The following PTPN1 variants were observed in gnomAD, a reference collection of about 807,000 sequenced individuals.
PTPN1 encodes the protein protein tyrosine phosphatase non-receptor type 1.
PTPN1 carries 12 observed loss-of-function variants against 59.9 expected under a neutral mutation model. The ratio of observed to expected loss-of-function variants is 0.20; its 90% CI spans 0.13 to 0.32. PTPN1 has a LOEUF of 0.32. PTPN1 is among the 10% of genes least tolerant of loss of function. The probability of loss-of-function intolerance (pLI) is 1.00; values close to 1 mark genes in which losing one functional copy is unlikely to be tolerated. For synonymous variants in PTPN1, 178 were observed against 203.6 expected, an observed-to-expected ratio of 0.87 and a Z score of 1.07; for missense variants, 356 against 549.2, an observed-to-expected ratio of 0.65 and a Z score of 3.52.
intron 3 of PTPN1, among the ~76,000 whole-genome samples, chr20:50,567,734 A>G (rs555421128): frequency 3.9e-5 from 6 of 152,096 alleles, no homozygotes; most frequent in African/African-American, 1.4e-4. Context: ...TACATCTCCT[A>G]AGTTTGTTGG....
chr20:50,571,706 T>C (rs1243998772), intron 4 of PTPN1: 1 of 152,242 alleles, frequency 6.6e-6, no homozygotes, highest in African/African-American at 2.4e-5. Context: ...TGTGTTAGAC[T>C]GGGGTCATCC....
chr20:50,517,796 T>G (rs1439114430), intron 1 of PTPN1, among the ~76,000 whole-genome samples: 1 of 152,256 alleles, frequency 6.6e-6, no homozygotes, highest in Non-Finnish European at 1.5e-5. Flanking sequence ...TGGGAAATTC[T>G]AAATCCTTCT....
intron 1 of PTPN1, among the ~76,000 whole-genome samples, chr20:50,553,798 A>G (rs2082713904): frequency 6.6e-6 from 1 of 152,178 alleles, no homozygotes; most frequent in Non-Finnish European, 1.5e-5. Context: ...ATGGAAGAAA[A>G]ACAACCGAAT....
intron 2 of PTPN1, among the ~76,000 whole-genome samples, chr20:50,562,410 G>T (rs1296036266): frequency 6.6e-6 from 1 of 152,204 alleles, no homozygotes; most frequent in African/African-American, 2.4e-5. Context: ...CCTAGACTTG[G>T]TGTAGAACGT....
chr20:50,544,162 A>AT (rs924852206), intron 1 of PTPN1, among the ~76,000 whole-genome samples: 2 of 151,628 alleles, frequency 1.3e-5, no homozygotes, highest in African/African-American at 4.9e-5. Context: ...TTCAGTATTA[A>AT]TTTTTTTTAA....
chr20:50,541,123 C>G (rs1006973506), intron 1 of PTPN1, among the ~76,000 whole-genome samples: 5 of 152,160 alleles, frequency 3.3e-5, no homozygotes, highest in South Asian at 2.1e-4. Flanking sequence ...AAATGTTTCT[C>G]TCAACACCCA....
intron 1 of PTPN1, among the ~76,000 whole-genome samples, chr20:50,538,311 G>A (rs1374373782): frequency 6.6e-6 from 1 of 152,102 alleles, no homozygotes; most frequent in African/African-American, 2.4e-5. Flanking sequence ...AGAGAAGCTG[G>A]TTGTCAGGTT....
At chr20:50,564,005 T>A (rs1409602046) in intron 2 of PTPN1, among the ~76,000 whole-genome samples, 2 of 152,130 alleles carry the variant, frequency 1.3e-5, no homozygotes, top group African/African-American at 4.8e-5. Flanking sequence ...CTTTCAAGTG[T>A]CTTTGTGATA....
chr20:50,547,421 TGGTATGATCTC>T (rs2082680448), intron 1 of PTPN1, among the ~76,000 whole-genome samples: 1 of 151,974 alleles, frequency 6.6e-6, no homozygotes, highest in Non-Finnish European at 1.5e-5. Flanking sequence ...TAGAGTGCAA[TGGTATGATCTC>T]GGCTCACTGC....
intron 1 of PTPN1, among the ~76,000 whole-genome samples, chr20:50,537,956 C>T (rs1158201879): frequency 2.6e-5 from 4 of 152,018 alleles, no homozygotes; most frequent in African/African-American, 9.7e-5. Context: ...GGGAAAGTTC[C>T]AGCAACAGAG....
chr20:50,578,152 T>C, intron 5 of PTPN1: 1 of 420,472 alleles, frequency 2.4e-6, no homozygotes. Flanking sequence ...ACAGTGGAAG[T>C]GATAGGGAGA....
Position 50,568,538 on chromosome 20 carries a change from AT to A in PTPN1, c.354+64del. The stretch of plus-strand genomic sequence containing the variant: ...ATGCATACCACTCCATATAGTTACC[AT>A]TTTCGTCCAGATTTTTAAATTATTT... On this transcript the variant is annotated intron_variant, in intron 4 of 9. Coordinates refer to ENST00000371621, the MANE Select transcript of PTPN1 (RefSeq NM_002827.4). The surrounding 1 kb of genome is among the most constrained non-coding windows in gnomAD (Gnocchi z 5.6). The A allele has an allele frequency of 1.5e-6, 2 of 1,300,328 alleles. No homozygotes were observed. The highest frequency in any genetic ancestry group is 2.4e-5 in the South Asian group (2 of 81,956). 80.5% of individuals were successfully genotyped at this position (1,300,328 alleles called of 1,614,324 possible). A position where few individuals can be genotyped will look rare whatever the true frequency, so the allele number is the denominator to read the frequency against.
intron 1 of PTPN1, among the ~76,000 whole-genome samples, chr20:50,535,801 A>G (rs1419744139): frequency 6.6e-6 from 1 of 152,190 alleles, no homozygotes; most frequent in Non-Finnish European, 1.5e-5. Flanking sequence ...CCTAATGTTC[A>G]GTCACCCTGT....
chr20:50,519,976 T>C (rs1470914549), intron 1 of PTPN1, among the ~76,000 whole-genome samples: 1 of 152,238 alleles, frequency 6.6e-6, no homozygotes, highest in African/African-American at 2.4e-5. Context: ...AACTTTTGAA[T>C]GTAGGACACA....
intron 1 of PTPN1, among the ~76,000 whole-genome samples, chr20:50,537,468 C>T (rs531881874): frequency 1.2e-3 from 184 of 152,370 alleles, no homozygotes; most frequent in African/African-American, 4.2e-3. Flanking sequence ...GACATTGATA[C>T]AGTCTGCTCA....
In PTPN1 at chr20:50,584,529, T is replaced by C. The variant is rs755589547; in HGVS notation, c.*1814T>C. On this transcript the variant is annotated 3_prime_UTR_variant, in exon 10 of 10. Coordinates refer to ENST00000371621, the MANE Select transcript of PTPN1 (RefSeq NM_002827.4). Reference sequence around the variant, plus strand: ...AGGTCATTATTTTTTACAATGGCCATGGAATAAACCATTTTTACAAAAATA... The same window carrying C: ...AGGTCATTATTTTTTACAATGGCCACGGAATAAACCATTTTTACAAAAATA... 2.0e-5 allele frequency: 3 copies of C among 149,990 alleles called. No individual in the cohort carries two copies. The highest frequency in any genetic ancestry group is 4.4e-5 in the Non-Finnish European group (3 of 67,920). 9.3% of individuals were successfully genotyped at this position (149,990 alleles called of 1,614,324 possible).
At chr20:50,579,109 A>T in intron 6 of PTPN1, 59 bp from the exon 7 acceptor site, 1 of 1,553,228 alleles carries the variant, frequency 6.4e-7, no homozygotes, top group Non-Finnish European at 8.9e-7. Context: ...TAACGGTGTT[A>T]TTAACGTTGC....
intron 1 of PTPN1, among the ~76,000 whole-genome samples, chr20:50,537,618 C>T (rs1459147359): frequency 6.6e-6 from 1 of 152,176 alleles, no homozygotes; most frequent in Non-Finnish European, 1.5e-5. Flanking sequence ...ATTCCCTCTC[C>T]TAATCATATC....
chr20:50,550,104 A>G (rs1241732130), intron 1 of PTPN1, among the ~76,000 whole-genome samples: 1 of 151,888 alleles, frequency 6.6e-6, no homozygotes, highest in Non-Finnish European at 1.5e-5. Flanking sequence ...TTCAGCGACT[A>G]CTGCAAGAGT....
Sources: allele counts gnomAD v4.1 joint callset (sites outside exome capture counted in the v4.1 genomes callset), GRCh38; gene constraint gnomAD v4.1.1; non-coding constraint Gnocchi (gnomAD v3.1); transcripts MANE v1.5; gene names NCBI Gene and HGNC (gene_info 2026-07-23, HGNC 2026-07-21).